SPAG16: variants seen among roughly 807,000 people sequenced by gnomAD.
SPAG16 encodes sperm associated antigen 16.
In SPAG16, 86 loss-of-function variants were observed where a neutral mutation model predicts 80.4. The ratio of observed to expected loss-of-function variants is 1.07; its 90% CI spans 0.90 to 1.28. SPAG16 has a LOEUF of 1.28. SPAG16 is among the 50% of genes most tolerant of loss of function. SPAG16 has a pLI of 0.00. For synonymous variants in SPAG16, 294 were observed against 265.9 expected, an observed-to-expected ratio of 1.11 and a Z score of -1.03; for missense variants, 870 against 765.3, an observed-to-expected ratio of 1.14 and a Z score of -1.61.
intron 9 of SPAG16, among the ~76,000 whole-genome samples, chr2:213,445,602 G>T (rs1310571531): frequency 3.9e-5 from 6 of 152,112 alleles, no homozygotes; most frequent in Non-Finnish European, 8.8e-5. Flanking sequence ...AGAGGTGGAG[G>T]TTGCGGTGAG....
chr2:214,034,545 G>A (rs144950263), intron 13 of SPAG16, among the ~76,000 whole-genome samples: 1 of 152,336 alleles, frequency 6.6e-6, no homozygotes, highest in Non-Finnish European at 1.5e-5. Context: ...GAGCAGCAAG[G>A]GGTGTGTGAG....
intron 12 of SPAG16, among the ~76,000 whole-genome samples, chr2:214,005,563 A>T (rs1238818262): frequency 6.6e-6 from 1 of 152,172 alleles, no homozygotes; most frequent in African/African-American, 2.4e-5. Context: ...ACAGACACAG[A>T]CTGTGGTGAA....
In SPAG16 at chr2:213,805,867, T is replaced by A. The variant is rs142337032; in HGVS notation, c.1071-56618T>A. Among the ~76,000 whole-genome samples the A allele has an allele frequency of 4.0e-4, 61 of 152,330 alleles. 1 individual carries two copies. The highest frequency in any genetic ancestry group is 1.4e-3 in the African/African-American group (60 of 41,564). Reference sequence around the variant, plus strand: ...ATATAGCAATGGTTGTTATAATGCCTAAGGCATGGTAAAAAGCCAAGTTGT... The same window carrying A: ...ATATAGCAATGGTTGTTATAATGCCAAAGGCATGGTAAAAAGCCAAGTTGT... On this transcript the variant is annotated intron_variant, in intron 10 of 15. Transcript: ENST00000331683.
chr2:213,347,542 T>C (rs944925691), intron 6 of SPAG16, among the ~76,000 whole-genome samples: 1 of 152,246 alleles, frequency 6.6e-6, no homozygotes, highest in Non-Finnish European at 1.5e-5. Flanking sequence ...AATTTTCCTC[T>C]ACACACTGCT....
At chr2:213,580,450 GAT>G (rs1242468628) in intron 10 of SPAG16, among the ~76,000 whole-genome samples, 1 of 152,042 alleles carries the variant, frequency 6.6e-6, no homozygotes, top group Non-Finnish European at 1.5e-5. Context: ...GCAAATAAAA[GAT>G]AATACTTTTT....
chr2:214,311,900 C>A (rs1300161177), intron 15 of SPAG16, among the ~76,000 whole-genome samples: 1 of 152,158 alleles, frequency 6.6e-6, no homozygotes, highest in African/African-American at 2.4e-5. Flanking sequence ...ACATAGCATA[C>A]TTAGAGTCAG....
At chr2:214,280,086 T>C (rs1211805035) in intron 15 of SPAG16, among the ~76,000 whole-genome samples, 1 of 152,016 alleles carries the variant, frequency 6.6e-6, no homozygotes, top group Non-Finnish European at 1.5e-5. Flanking sequence ...GAAAATTAAC[T>C]CAACATAGCA....
At chr2:214,345,159 C>T (rs147093171) in intron 15 of SPAG16, among the ~76,000 whole-genome samples, 1 of 152,232 alleles carries the variant, frequency 6.6e-6, no homozygotes, top group African/African-American at 2.4e-5. Flanking sequence ...CCCAGTCTTC[C>T]TAAATGCTTC....
intron 11 of SPAG16, among the ~76,000 whole-genome samples, chr2:213,895,525 G>A (rs1426675525): frequency 2.0e-5 from 3 of 152,048 alleles, no homozygotes; most frequent in Non-Finnish European, 2.9e-5. Flanking sequence ...TTATTACAAA[G>A]ACATAGTAAC....
intron 13 of SPAG16, among the ~76,000 whole-genome samples, chr2:214,043,930 T>C (rs2049172611): frequency 1.3e-5 from 2 of 152,114 alleles, no homozygotes. Flanking sequence ...TCCCTTATTA[T>C]TATTGTAGTA....
At chr2:213,953,288 C>T (rs1186281411) in intron 12 of SPAG16, among the ~76,000 whole-genome samples, 3 of 151,448 alleles carry the variant, frequency 2.0e-5, no homozygotes, top group Non-Finnish European at 4.4e-5. Flanking sequence ...TCAGAGAAAA[C>T]AAGAAACAAC....
intron 12 of SPAG16, among the ~76,000 whole-genome samples, chr2:213,983,091 G>A (rs2045842009): frequency 6.6e-6 from 1 of 151,876 alleles, no homozygotes; most frequent in South Asian, 2.1e-4. Flanking sequence ...AATATCAGTT[G>A]TTGCTATTGA....
At chr2:213,405,856 A>G (rs933767589) in intron 9 of SPAG16, among the ~76,000 whole-genome samples, 42 of 152,178 alleles carry the variant, frequency 2.8e-4, no homozygotes, top group South Asian at 1.0e-3. Context: ...TTTATAGTCA[A>G]TGGATAAATC....
At position 214,156,333 on chromosome 2, in the gene SPAG16, C is replaced by G. The variant is rs76118196; in HGVS notation, c.1720+7067C>G. ...TTAGGGCTGAATTTAGTTGTCACCACAACTCAAAATGAGATTGTTATTCTT... is the reference window on the plus strand; with the variant it reads ...TTAGGGCTGAATTTAGTTGTCACCAGAACTCAAAATGAGATTGTTATTCTT... On this transcript the variant is annotated intron_variant, in intron 15 of 15. Coordinates refer to ENST00000331683, the MANE Select transcript of SPAG16 (RefSeq NM_024532.5). Among the ~76,000 whole-genome samples, 1,186 of 152,272 alleles carry G rather than the reference C, an allele frequency of 7.8e-3. 20 individuals carry two copies. Among genetic ancestry groups the G allele is most frequent in the African/African-American group, 0.026 (1,095 of 41,560 alleles).
chr2:213,301,662 T>G (rs1489355912), intron 3 of SPAG16, among the ~76,000 whole-genome samples: 1 of 152,140 alleles, frequency 6.6e-6, no homozygotes, highest in Non-Finnish European at 1.5e-5. Flanking sequence ...TATGCTTCCT[T>G]CTATTCCCAC....
chr2:213,643,811 G>GTTTTT (rs2062718841), intron 10 of SPAG16, among the ~76,000 whole-genome samples: 1 of 105,910 alleles, frequency 9.4e-6, no homozygotes, highest in African/African-American at 3.5e-5. Context: ...CGCAGTTTCA[G>GTTTTT]TCTTTGTTGT....
chr2:213,785,780 G>C lies in SPAG16; in HGVS notation c.1071-76705G>C, dbSNP rs148559880. Among the ~76,000 whole-genome samples, 23 of 152,244 alleles carry C rather than the reference G, an allele frequency of 1.5e-4. No homozygotes were observed. The East Asian group carries it at 4.3e-3, about 28-fold the overall frequency. On this transcript the variant is annotated intron_variant, in intron 10 of 15. Coordinates refer to ENST00000331683, the MANE Select transcript of SPAG16 (RefSeq NM_024532.5). ...ACCTGTAATCCCAGCACTTTGGGAG[G>C]CCGAGGCGGGAGGATCAAGAGACTG...
intron 9 of SPAG16, among the ~76,000 whole-genome samples, chr2:213,381,762 G>T (rs888136661): frequency 6.6e-6 from 1 of 152,188 alleles, no homozygotes; most frequent in Non-Finnish European, 1.5e-5. Flanking sequence ...CATTTCCTTA[G>T]ATCTTATCTC....
At chr2:213,871,171 T>A (rs2075928618) in intron 11 of SPAG16, among the ~76,000 whole-genome samples, 1 of 152,074 alleles carries the variant, frequency 6.6e-6, no homozygotes, top group Non-Finnish European at 1.5e-5. Flanking sequence ...ATACAAAATC[T>A]TCTATGAATA....
Sources: gnomAD v4.1 joint callset for allele counts (sites outside exome capture counted in the v4.1 genomes callset) on GRCh38, gnomAD v4.1.1 for gene constraint, MANE v1.5 for transcripts, NCBI Gene and HGNC (gene_info 2026-07-23, HGNC 2026-07-21) for gene names.